The following STK17B variants were observed in gnomAD, a reference collection of about 807,000 sequenced individuals.
The protein encoded by STK17B is serine/threonine kinase 17b, also known as serine/threonine-protein kinase 17B.
A neutral mutation model predicts 42.0 loss-of-function variants in STK17B; 21 were observed. That is an observed-to-expected ratio of 0.50 (90% confidence interval 0.35 to 0.72). The LOEUF (loss-of-function observed/expected upper bound fraction) is 0.72. STK17B is among the 30% of genes least tolerant of loss of function. STK17B has a pLI of 0.00. For synonymous variants in STK17B, 143 were observed against 148.4 expected, an observed-to-expected ratio of 0.96 and a Z score of 0.26; for missense variants, 349 against 446.0, an observed-to-expected ratio of 0.78 and a Z score of 1.96.
At position 196,140,907 on chromosome 2, in the gene STK17B, G is replaced by GC. The variant is rs144148375; in HGVS notation, c.656+341dup. Among the ~76,000 whole-genome samples, 11 of 152,246 alleles carry GC rather than the reference G, an allele frequency of 7.2e-5. 1 individual carries two copies. In the East Asian group the frequency reaches 2.1e-3, roughly 29 times the overall value. On this transcript the variant is annotated intron_variant, in intron 6 of 7. Coordinates refer to ENST00000263955, the MANE Select transcript of STK17B (RefSeq NM_004226.4). ...CAGATGTCTCCCTTTGTGAGGTGGAGCCCGGCAATGGACTGTCTGCTGCTG... is the reference window on the plus strand; with the variant it reads ...CAGATGTCTCCCTTTGTGAGGTGGAGCCCCGGCAATGGACTGTCTGCTGCTG...
chr2:196,169,909 A>ATCTCAAAAT (rs1244432609), intron 1 of STK17B, among the ~76,000 whole-genome samples: 1 of 152,220 alleles, frequency 6.6e-6, no homozygotes, highest in East Asian at 1.9e-4. Context: ...AAAGATCTAA[A>ATCTCAAAAT]ATGTACAATA....
intron 1 of STK17B, among the ~76,000 whole-genome samples, chr2:196,164,654 T>C (rs886539586): frequency 2.6e-5 from 4 of 152,202 alleles, no homozygotes; most frequent in African/African-American, 9.6e-5. Flanking sequence ...CTTTATCTTC[T>C]TAAATTCAAA....
chr2:196,140,856 C>A (rs1008934271), intron 6 of STK17B, among the ~76,000 whole-genome samples: 5 of 152,190 alleles, frequency 3.3e-5, no homozygotes, highest in African/African-American at 1.2e-4. Flanking sequence ...AGCCACCACG[C>A]CCGGCCAACT....
At chr2:196,162,788 G>T (rs895977268) in intron 2 of STK17B, among the ~76,000 whole-genome samples, 12 of 152,092 alleles carry the variant, frequency 7.9e-5, no homozygotes, top group African/African-American at 2.9e-4. Flanking sequence ...TACTTAGGAG[G>T]CTGAGGTGGC....
chr2:196,156,790 A>T, intron 2 of STK17B, 139 bp from the exon 3 acceptor site: 2 of 690,598 alleles, frequency 2.9e-6, no homozygotes, highest in Non-Finnish European at 4.8e-6. Context: ...TTGTTCTCTA[A>T]ATTGATTCAA....
At chr2:196,167,261 A>G (rs1699884948) in intron 1 of STK17B, among the ~76,000 whole-genome samples, 1 of 152,230 alleles carries the variant, frequency 6.6e-6, no homozygotes. Context: ...GTAACATGTT[A>G]GATTGCAATT....
intron 4 of STK17B, 37 bp from the exon 5 acceptor site, chr2:196,143,723 A>T: frequency 6.9e-7 from 1 of 1,448,930 alleles, no homozygotes; most frequent in Non-Finnish European, 9.1e-7. Flanking sequence ...TAAGTAATAT[A>T]CAAAAAAGCA....
chr2:196,170,101 T>C (rs1234726109), intron 1 of STK17B, among the ~76,000 whole-genome samples: 1 of 152,210 alleles, frequency 6.6e-6, no homozygotes, highest in African/African-American at 2.4e-5. Context: ...GTCTAATATT[T>C]ATAAAATAAG....
intron 7 of STK17B, among the ~76,000 whole-genome samples, chr2:196,139,326 G>A (rs1699459326): frequency 6.6e-6 from 1 of 152,160 alleles, no homozygotes; most frequent in Non-Finnish European, 1.5e-5. Context: ...CATGTGTATT[G>A]TAAATTTCTA....
At position 196,137,346 on chromosome 2, in the gene STK17B, T is replaced by C; in HGVS notation, c.*101A>G. On this transcript the variant is annotated 3_prime_UTR_variant, in exon 8 of 8. Coordinates refer to ENST00000263955, the MANE Select transcript of STK17B (RefSeq NM_004226.4). The stretch of plus-strand genomic sequence containing the variant: ...CTAAATTATTCCATGGAAAAGTGCA[T>C]TTACAATATAAACATGTCATATATG... 2.4e-6 allele frequency: 3 copies of C among 1,270,238 alleles called. No homozygotes were observed. The highest frequency in any genetic ancestry group is 2.4e-5 in the East Asian group (1 of 41,176). 78.7% of individuals were successfully genotyped at this position (1,270,238 alleles called of 1,614,324 possible).
chr2:196,135,906 C>T lies in STK17B; in HGVS notation c.*1541G>A, dbSNP rs893170017. The T allele has an allele frequency of 1.4e-4, 21 of 150,996 alleles. No homozygotes were observed. Among genetic ancestry groups the T allele is most frequent in the African/African-American group, 4.6e-4 (19 of 41,072 alleles). The allele number at this position is 150,996 out of a possible 1,614,324, so 9.4% of individuals were successfully genotyped here. ...CTATAGATATATACATACACCTGTA[C>T]ATACACACATGTGCACACATACACA... On this transcript the variant is annotated 3_prime_UTR_variant, in exon 8 of 8. Transcript: ENST00000263955.
chr2:196,143,208 G>C (rs921127690), intron 5 of STK17B, among the ~76,000 whole-genome samples: 6 of 152,160 alleles, frequency 3.9e-5, no homozygotes, highest in African/African-American at 1.4e-4. Context: ...AGGCTTCAAA[G>C]ACAATCATGG....
At position 196,133,932 on chromosome 2, in the gene STK17B, A is replaced by G. The variant is rs1197991565; in HGVS notation, c.*3515T>C. Reference sequence around the variant, plus strand: ...AATAATCCCCCCAAACTGAAGTGAAATACTTTTAATACTACTTGAAATTAA... The same window carrying G: ...AATAATCCCCCCAAACTGAAGTGAAGTACTTTTAATACTACTTGAAATTAA... On this transcript the variant is annotated 3_prime_UTR_variant, in exon 8 of 8. Coordinates refer to ENST00000263955, the MANE Select transcript of STK17B (RefSeq NM_004226.4). 3 of 152,238 alleles carry G rather than the reference A, an allele frequency of 2.0e-5. No individual in the cohort carries two copies. Among genetic ancestry groups the G allele is most frequent in the Non-Finnish European group, 2.9e-5 (2 of 68,054 alleles). 9.4% of individuals were successfully genotyped at this position (152,238 alleles called of 1,614,324 possible). A position where few individuals can be genotyped will look rare whatever the true frequency, so the allele number is the denominator to read the frequency against.
At chr2:196,176,099 A>G (rs192287808), upstream of STK17B, 2 of 152,224 alleles carry the variant, frequency 1.3e-5, no homozygotes, top group African/African-American at 4.8e-5. Flanking sequence ...GATACAGGCA[A>G]GAGAAAGCAA....
chr2:196,146,365 G>A (rs1699575341), intron 3 of STK17B, among the ~76,000 whole-genome samples: 1 of 152,074 alleles, frequency 6.6e-6, no homozygotes, highest in Admixed American at 6.6e-5. Flanking sequence ...TTAGCTGGGT[G>A]TGATGGCAGG....
At chr2:196,150,835 A>G (rs1699656092) in intron 3 of STK17B, among the ~76,000 whole-genome samples, 1 of 152,248 alleles carries the variant, frequency 6.6e-6, no homozygotes, top group Non-Finnish European at 1.5e-5. Context: ...ATGGAAAGAC[A>G]TTAGAATATT....
intron 2 of STK17B, among the ~76,000 whole-genome samples, chr2:196,161,646 G>A (rs955131328): frequency 1.3e-5 from 2 of 149,580 alleles, no homozygotes; most frequent in East Asian, 2.0e-4. Context: ...AGCCTCCTGA[G>A]TAGCTGGGAC....
chr2:196,170,574 C>T (rs1219149320), intron 1 of STK17B, among the ~76,000 whole-genome samples: 1 of 152,218 alleles, frequency 6.6e-6, no homozygotes, highest in Non-Finnish European at 1.5e-5. Context: ...GTCTCTACTT[C>T]TCCCTCGGAG....
chr2:196,164,301 G>T (rs1482430190), intron 1 of STK17B, among the ~76,000 whole-genome samples: 2 of 152,110 alleles, frequency 1.3e-5, no homozygotes, highest in Non-Finnish European at 2.9e-5. Flanking sequence ...CCTTTGACAG[G>T]ACCTAGCACA....
Sources: gnomAD v4.1 joint callset for allele counts (sites outside exome capture counted in the v4.1 genomes callset) on GRCh38, gnomAD v4.1.1 for gene constraint, MANE v1.5 for transcripts, NCBI Gene and HGNC (gene_info 2026-07-23, HGNC 2026-07-21) for gene names.